The following IMMP2L variants were observed in gnomAD, a reference collection of about 807,000 sequenced individuals.
IMMP2L encodes inner mitochondrial membrane peptidase subunit 2.
In IMMP2L, 18 loss-of-function variants were observed where a neutral mutation model predicts 19.3. The ratio of observed to expected loss-of-function variants is 0.93; its 90% CI spans 0.64 to 1.38. The LOEUF is 1.38. Among genes scored for constraint, IMMP2L ranks in the 40% most tolerant of loss-of-function variants. The pLI is 0.00. For missense variants in IMMP2L, 233 were observed against 218.2 expected (o/e 1.07, Z -0.43); for synonymous variants, 76 against 73.0 (o/e 1.04, Z -0.21).
At chr7:111,008,760 T>C (rs1303056075) in intron 3 of IMMP2L, among the ~76,000 whole-genome samples, 1 of 151,958 alleles carries the variant, frequency 6.6e-6, no homozygotes, top group Non-Finnish European at 1.5e-5. Flanking sequence ...CTCAAAACTA[T>C]TTGTTGTATG....
At chr7:110,929,425 T>C (rs1815230503) in intron 4 of IMMP2L, among the ~76,000 whole-genome samples, 2 of 152,272 alleles carry the variant, frequency 1.3e-5, no homozygotes, top group African/African-American at 4.8e-5. Flanking sequence ...CTTGGGATAG[T>C]TCCACCCACT....
intron 4 of IMMP2L, among the ~76,000 whole-genome samples, chr7:110,894,687 A>G (rs1025662889): frequency 2.0e-5 from 3 of 152,110 alleles, no homozygotes; most frequent in Non-Finnish European, 4.4e-5. Context: ...TTTTTTCTAC[A>G]AAGAATATAC....
chr7:110,934,956 C>T lies in IMMP2L; in HGVS notation c.305+28544G>A, dbSNP rs536064369. Among the ~76,000 whole-genome samples, 3 of 152,244 alleles carry T rather than the reference C, an allele frequency of 2.0e-5. No homozygotes were observed. The South Asian group carries it at 6.2e-4, about 32-fold the overall frequency. On this transcript the variant is annotated intron_variant, in intron 4 of 5. Transcript: ENST00000405709. ...AAGTCTTGACTCTTTATCCAATTTG[C>T]CAGTCTGTGTCTTTTAACGGGGGCA...
At chr7:111,354,581 G>C (rs1027147350) in intron 3 of IMMP2L, among the ~76,000 whole-genome samples, 1 of 150,290 alleles carries the variant, frequency 6.7e-6, no homozygotes, top group Non-Finnish European at 1.5e-5. Context: ...GATGTATAAG[G>C]CTTTAAAAAA....
intron 3 of IMMP2L, among the ~76,000 whole-genome samples, chr7:111,377,361 G>A (rs1455245662): frequency 2.0e-5 from 3 of 151,794 alleles, no homozygotes; most frequent in African/African-American, 7.3e-5. Context: ...CAGCTCTATA[G>A]TATAGTATCC....
chr7:110,972,817 C>T (rs1251557933), intron 3 of IMMP2L, among the ~76,000 whole-genome samples: 1 of 152,092 alleles, frequency 6.6e-6, no homozygotes, highest in South Asian at 2.1e-4. Flanking sequence ...AACACAGAAG[C>T]ACTGACTTGG....
intron 3 of IMMP2L, among the ~76,000 whole-genome samples, chr7:110,963,987 A>T (rs4730469): frequency 2.9e-4 from 5 of 17,254 alleles, no homozygotes; most frequent in East Asian, 9.5e-4. Flanking sequence ...ATGGGGTTGG[A>T]TTCCCTCATG....
chr7:110,720,666 C>T (rs1252244664), intron 5 of IMMP2L, among the ~76,000 whole-genome samples: 1 of 152,074 alleles, frequency 6.6e-6, no homozygotes, highest in Non-Finnish European at 1.5e-5. Flanking sequence ...CTGGCTGGGG[C>T]CCTTCTGTTC....
At chr7:110,914,145 T>G (rs918093131) in intron 4 of IMMP2L, among the ~76,000 whole-genome samples, 7 of 152,208 alleles carry the variant, frequency 4.6e-5, no homozygotes, top group Admixed American at 4.6e-4. Flanking sequence ...GCCATTGCTT[T>G]GACTGTGCTT....
chr7:110,963,427 T>C (rs1028808835), intron 4 of IMMP2L, 73 bp downstream of exon 4: 4 of 1,074,402 alleles, frequency 3.7e-6, no homozygotes, highest in Admixed American at 2.1e-5. Flanking sequence ...TTCAGATGTA[T>C]TTCCCAAGTA....
rs770849111 is a variant in IMMP2L, at chr7:110,886,676, G to A, written c.325C>T (p.Arg109Trp). The change falls in exon 5 of 6, where the codon CGG (arginine) becomes TGG (tryptophan). Residue 109 changes from arginine (R) to tryptophan (W), a missense_variant. Coordinates refer to ENST00000405709, the MANE Select transcript of IMMP2L (RefSeq NM_032549.4). Reference sequence around the variant, plus strand: ...TGACCACGGGGGACTTTGACATACCGGTTTTTGTGTCCTATGGTTCTGGAA... The same window carrying A: ...TGACCACGGGGGACTTTGACATACCAGTTTTTGTGTCCTATGGTTCTGGAA... ...DIVRTIGHKN[R>W]YVKVPRGHIW... 5.7e-6 allele frequency: 9 copies of A among 1,590,036 alleles called. No individual in the cohort carries two copies. The East Asian group carries it at 1.1e-4, about 20-fold the overall frequency.
chr7:111,142,339 AAAAAGAAAGAAAGAAAG>A (rs1256964914), intron 3 of IMMP2L, among the ~76,000 whole-genome samples: 1 of 11,838 alleles, frequency 8.4e-5, no homozygotes, highest in African/African-American at 1.1e-4. Flanking sequence ...AAAAAAAAAA[AAAAAGAAAGAAAGAAAG>A]AAAGAAAGAA....
chr7:111,057,366 T>C (rs1793607620), intron 3 of IMMP2L, among the ~76,000 whole-genome samples: 1 of 152,102 alleles, frequency 6.6e-6, no homozygotes. Flanking sequence ...AGTTGGTTTT[T>C]AAAACAATAG....
chr7:111,235,618 C>G (rs1057078168), intron 3 of IMMP2L, among the ~76,000 whole-genome samples: 2 of 151,708 alleles, frequency 1.3e-5, no homozygotes, highest in African/African-American at 4.8e-5. Flanking sequence ...TTTTTTTTGG[C>G]CTTCTTTTAA....
intron 3 of IMMP2L, among the ~76,000 whole-genome samples, chr7:111,268,569 CTTTTTTTTTTTTTTTTTTTTTTTTTTTTT>C (rs762576425): frequency 1.8e-4 from 8 of 44,594 alleles, no homozygotes; most frequent in Non-Finnish European, 3.0e-4. Flanking sequence ...TCACATTTCT[CTTTTTTTTTTTTTTTTTTTTTTTTTTTTT>C]TTTTTTTTTT....
chr7:110,732,251 C>T (rs528419953), intron 5 of IMMP2L, among the ~76,000 whole-genome samples: 1 of 152,286 alleles, frequency 6.6e-6, no homozygotes, highest in South Asian at 2.1e-4. Flanking sequence ...CAGGTAATAA[C>T]ACTGAATGAA....
At chr7:111,072,619 G>A (rs1447784751) in intron 3 of IMMP2L, among the ~76,000 whole-genome samples, 1 of 152,120 alleles carries the variant, frequency 6.6e-6, no homozygotes, top group Non-Finnish European at 1.5e-5. Context: ...AGTCTAGGCT[G>A]GGTGCAGTGG....
At chr7:110,913,010 T>C (rs1201010758) in intron 4 of IMMP2L, among the ~76,000 whole-genome samples, 1 of 151,996 alleles carries the variant, frequency 6.6e-6, no homozygotes, top group Non-Finnish European at 1.5e-5. Context: ...TAAAGACAGA[T>C]GAGTGAAGAG....
intron 3 of IMMP2L, among the ~76,000 whole-genome samples, chr7:111,023,384 C>T (rs1171556415): frequency 2.0e-5 from 3 of 152,152 alleles, no homozygotes; most frequent in Non-Finnish European, 4.4e-5. Flanking sequence ...GCTCAAAATG[C>T]TCCTTTCAAA....
Sources: allele counts gnomAD v4.1 joint callset (sites outside exome capture counted in the v4.1 genomes callset), GRCh38; gene constraint gnomAD v4.1.1; transcripts MANE v1.5; gene names NCBI Gene and HGNC (gene_info 2026-07-23, HGNC 2026-07-21).